The following EBF1 variants were observed in gnomAD, a reference collection of about 807,000 sequenced individuals.
The protein encoded by EBF1 is transcription factor COE1.
EBF1 carries 10 observed loss-of-function variants against 68.4 expected under a neutral mutation model. That is an observed-to-expected ratio of 0.15 (90% confidence interval 0.09 to 0.25). The LOEUF is 0.25. Among genes scored for constraint, EBF1 ranks in the 10% least tolerant of loss-of-function variants. The probability of loss-of-function intolerance (pLI) is 1.00; values close to 1 mark genes in which losing one functional copy is unlikely to be tolerated. For missense variants in EBF1, 509 were observed against 794.4 expected (o/e 0.64, Z 4.32); for synonymous variants, 298 against 299.8 (o/e 0.99, Z 0.06).
chr5:158,851,261 G>C (rs1171139924), intron 6 of EBF1, among the ~76,000 whole-genome samples: 1 of 150,644 alleles, frequency 6.6e-6, no homozygotes, highest in Non-Finnish European at 1.5e-5. Context: ...TGTAATTTCA[G>C]CTACTCAGGA....
chr5:158,990,009 A>G (rs924619743), intron 6 of EBF1, among the ~76,000 whole-genome samples: 1 of 152,190 alleles, frequency 6.6e-6, no homozygotes, highest in African/African-American at 2.4e-5. Context: ...CAAACAAAAC[A>G]CAACAACACT....
chr5:159,024,274 C>T (rs1330869394), intron 6 of EBF1, among the ~76,000 whole-genome samples: 1 of 152,134 alleles, frequency 6.6e-6, no homozygotes, highest in African/African-American at 2.4e-5. Flanking sequence ...AGAAACTTCA[C>T]CTTCAAAAAC....
At chr5:159,052,929 A>G (rs530865405) in intron 6 of EBF1, among the ~76,000 whole-genome samples, 1 of 152,252 alleles carries the variant, frequency 6.6e-6, no homozygotes, top group Admixed American at 6.5e-5. Context: ...ATGCAGGGCC[A>G]TGTGGCCTTT....
At chr5:159,040,900 G>C (rs1771071498) in intron 6 of EBF1, among the ~76,000 whole-genome samples, 1 of 152,190 alleles carries the variant, frequency 6.6e-6, no homozygotes, top group Non-Finnish European at 1.5e-5. Context: ...CATGTAGGGA[G>C]AATAGACCAC....
chr5:158,743,418 A>G (rs567254015), intron 10 of EBF1, among the ~76,000 whole-genome samples: 7 of 152,332 alleles, frequency 4.6e-5, no homozygotes, highest in African/African-American at 1.7e-4. Flanking sequence ...ACCATAAGTA[A>G]CAGTATTGGC....
chr5:158,717,962 T>G (rs1729083512), intron 11 of EBF1, among the ~76,000 whole-genome samples: 1 of 152,178 alleles, frequency 6.6e-6, no homozygotes, highest in South Asian at 2.1e-4. Context: ...TTACTCTATT[T>G]AGAGTCTACA....
At chr5:158,870,067 A>G (rs1210822642) in intron 6 of EBF1, among the ~76,000 whole-genome samples, 2 of 152,218 alleles carry the variant, frequency 1.3e-5, no homozygotes, top group Non-Finnish European at 2.9e-5. Context: ...ATGCCAAAAC[A>G]AAGTTTTTTT....
intron 8 of EBF1, among the ~76,000 whole-genome samples, chr5:158,810,994 T>C (rs890510146): frequency 1.3e-5 from 2 of 152,052 alleles, no homozygotes; most frequent in Non-Finnish European, 2.9e-5. Flanking sequence ...AGATTTTCTC[T>C]TGTGTCCCTC....
At chr5:158,768,005 C>T in intron 10 of EBF1, among the ~76,000 whole-genome samples, 1 of 152,084 alleles carries the variant, frequency 6.6e-6, no homozygotes, top group East Asian at 1.9e-4. Flanking sequence ...ATTCATTTAC[C>T]TTGGAGGTTG....
chr5:159,019,961 G>A (rs1236830691), intron 6 of EBF1, among the ~76,000 whole-genome samples: 2 of 152,014 alleles, frequency 1.3e-5, no homozygotes, highest in East Asian at 3.9e-4. Flanking sequence ...GGATAAAAAA[G>A]AACCCCTAGG....
chr5:159,013,302 C>A (rs1232684108), intron 6 of EBF1, among the ~76,000 whole-genome samples: 1 of 152,164 alleles, frequency 6.6e-6, no homozygotes, highest in East Asian at 1.9e-4. Flanking sequence ...ACAGGCCCTG[C>A]CCTCAGTGAG....
Position 159,099,572 on chromosome 5 carries a change from A to C in EBF1, c.-94T>G. On this transcript the variant is annotated 5_prime_UTR_variant, in exon 1 of 16. Coordinates refer to ENST00000313708, the MANE Select transcript of EBF1 (RefSeq NM_024007.5). ...GAAAAGAAAGAAAAGAAAAGAAACA[A>C]AAACGCCAACCAGAGATTTTTTTTT... The C allele has an allele frequency of 4.4e-6, 6 of 1,353,302 alleles. No homozygotes were observed. Among genetic ancestry groups the C allele is most frequent in the Non-Finnish European group, 3.8e-6 (4 of 1,039,530 alleles). 83.8% of individuals were successfully genotyped at this position (1,353,302 alleles called of 1,614,324 possible).
chr5:159,080,280 C>T (rs1383903267), intron 5 of EBF1, among the ~76,000 whole-genome samples: 3 of 152,132 alleles, frequency 2.0e-5, no homozygotes, highest in Non-Finnish European at 2.9e-5. Context: ...GTATTTCCTC[C>T]CTTCTCTGAA....
At chr5:159,010,207 G>A (rs773220043) in intron 6 of EBF1, among the ~76,000 whole-genome samples, 1 of 152,182 alleles carries the variant, frequency 6.6e-6, no homozygotes, top group Non-Finnish European at 1.5e-5. Context: ...CGATATCCTC[G>A]CAGATGAGAT....
At chr5:158,818,742 T>A (rs1202726017) in intron 8 of EBF1, among the ~76,000 whole-genome samples, 2 of 152,194 alleles carry the variant, frequency 1.3e-5, no homozygotes, top group African/African-American at 4.8e-5. Flanking sequence ...AAAAGCTAAA[T>A]TTCAATCATT....
intron 6 of EBF1, among the ~76,000 whole-genome samples, chr5:158,996,972 C>T (rs763486254): frequency 6.6e-6 from 1 of 152,160 alleles, no homozygotes; most frequent in Admixed American, 6.5e-5. Flanking sequence ...CCCAACTACA[C>T]CCCATCCTCT....
At position 158,732,257 on chromosome 5, in the gene EBF1, G is replaced by A. The variant is rs375058199; in HGVS notation, c.1037-1100C>T. Among the ~76,000 whole-genome samples the A allele has an allele frequency of 1.3e-3, 203 of 152,200 alleles. 1 individual carries two copies. The highest frequency in any genetic ancestry group is 4.7e-3 in the African/African-American group (197 of 41,528). ...TAAAAAACAAGTTGCCACACGTTTT[G>A]CTTAAAATGCATTTCCATTAACCTA... On this transcript the variant is annotated intron_variant, in intron 10 of 15. Transcript: ENST00000313708.
chr5:158,938,062 G>A (rs1365856453), intron 6 of EBF1, among the ~76,000 whole-genome samples: 3 of 152,090 alleles, frequency 2.0e-5, no homozygotes, highest in East Asian at 3.8e-4. Flanking sequence ...TTTTCACTCC[G>A]GCTCAAGTGC....
At chr5:159,054,430 G>T (rs754817351) in intron 6 of EBF1, among the ~76,000 whole-genome samples, 4 of 152,030 alleles carry the variant, frequency 2.6e-5, no homozygotes, top group African/African-American at 9.7e-5. Flanking sequence ...AGAGAGATCT[G>T]GTTCCCATCC....
Sources: allele counts gnomAD v4.1 joint callset (sites outside exome capture counted in the v4.1 genomes callset), GRCh38; gene constraint gnomAD v4.1.1; transcripts MANE v1.5; gene names NCBI Gene and HGNC (gene_info 2026-07-23, HGNC 2026-07-21).